DDX42: variants seen among roughly 807,000 people sequenced by gnomAD.
DDX42 encodes the protein DEAD-box helicase 42.
In DDX42, 22 loss-of-function variants were observed where a neutral mutation model predicts 101.5. The ratio of observed to expected loss-of-function variants is 0.22; its 90% confidence interval spans 0.15 to 0.31. The LOEUF (loss-of-function observed/expected upper bound fraction) is 0.31, where lower values mean the gene tolerates loss of function less well. Ranked by LOEUF, DDX42 falls within the 10% of genes least tolerant of loss-of-function variation. DDX42 has a pLI of 1.00. For missense variants in DDX42, 849 were observed against 1,199.9 expected (o/e 0.71, Z 4.32); for synonymous variants, 402 against 401.2 (o/e 1.00, Z -0.02).
chr17:63,814,654 T>C (rs2144589892), intron 15 of DDX42, among the ~76,000 whole-genome samples: 1 of 150,796 alleles, frequency 6.6e-6, no homozygotes, highest in East Asian at 1.9e-4. Flanking sequence ...GATAAAACTT[T>C]AACCTTCCCA....
At position 63,815,618 on chromosome 17, in the gene DDX42, T is replaced by TA; in HGVS notation, c.1958_1959insA (p.Gly654TrpfsTer16). The stretch of plus-strand genomic sequence containing the variant: ...GGAGGGAAAGGAAAAAAGCTGAACA[T>TA]TGGTGGAGGAGGCCTAGGCTACAGG... On this transcript the variant is annotated frameshift_variant, in exon 16 of 18. Coordinates refer to ENST00000389924, the MANE Select transcript of DDX42 (RefSeq NM_203499.3). LOFTEE classifies it high-confidence loss of function. 1 of 1,613,792 alleles carries TA rather than the reference T, an allele frequency of 6.2e-7. No homozygotes were observed.
chr17:63,808,042 A>G (rs1394872481), intron 9 of DDX42, 142 bp downstream of exon 9: 8 of 788,124 alleles, frequency 1.0e-5, no homozygotes, highest in Admixed American at 3.3e-5. Context: ...ACCATTTTTA[A>G]TGTACAGTTC....
chr17:63,780,283 C>T lies in DDX42; in HGVS notation c.-17+5907C>T, dbSNP rs939673474. Among the ~76,000 whole-genome samples, 3 of 141,232 alleles carry T rather than the reference C, an allele frequency of 2.1e-5. No homozygotes were observed. The Admixed American group carries it at 2.1e-4, about 10-fold the overall frequency. The allele number at this position is 141,232 out of a possible 152,430, so 92.7% of individuals were successfully genotyped here. A position where few individuals can be genotyped will look rare whatever the true frequency, so the allele number is the denominator to read the frequency against. On this transcript the variant is annotated intron_variant, in intron 1 of 17. Coordinates refer to ENST00000389924, the MANE Select transcript of DDX42 (RefSeq NM_203499.3). ...TGCACTCCAGCCTGGGCAACAAGAGCGAAACTGTCTCAAAAAAACAAAAAA... is the reference window on the plus strand; with the variant it reads ...TGCACTCCAGCCTGGGCAACAAGAGTGAAACTGTCTCAAAAAAACAAAAAA...
chr17:63,774,442 G>T (rs2144510040), intron 1 of DDX42, 66 bp downstream of exon 1: 1 of 212,420 alleles, frequency 4.7e-6, no homozygotes, highest in East Asian at 1.0e-4. Flanking sequence ...CAACTGCTGG[G>T]CCTAGCGAGG....
intron 3 of DDX42, among the ~76,000 whole-genome samples, chr17:63,794,993 C>T (rs545205646): frequency 1.2e-4 from 18 of 151,438 alleles, no homozygotes; most frequent in Non-Finnish European, 2.5e-4. Flanking sequence ...AAAATCCTTT[C>T]GGATTCCTTA....
At chr17:63,816,583 A>AT (rs1194883980) in intron 16 of DDX42, 7 of 240,332 alleles carry the variant, frequency 2.9e-5, no homozygotes, top group Non-Finnish European at 3.2e-5. Context: ...TTTTTACTTA[A>AT]TTAATTGGAA....
intron 14 of DDX42, among the ~76,000 whole-genome samples, chr17:63,812,525 A>G (rs570378985): frequency 1.3e-5 from 2 of 152,354 alleles, no homozygotes; most frequent in African/African-American, 4.8e-5. Flanking sequence ...TTGATCTACT[A>G]TACACAGCTT....
intron 14 of DDX42, among the ~76,000 whole-genome samples, chr17:63,812,567 T>C (rs2039924764): frequency 6.6e-6 from 1 of 152,196 alleles, no homozygotes; most frequent in African/African-American, 2.4e-5. Flanking sequence ...ATGAGAACAG[T>C]TTTTGGAATA....
intron 2 of DDX42, among the ~76,000 whole-genome samples, chr17:63,791,883 C>G (rs2039632378): frequency 6.6e-6 from 1 of 151,850 alleles, no homozygotes; most frequent in South Asian, 2.1e-4. Context: ...CCTGTCTCTA[C>G]TAAAAATACA....
chr17:63,817,123 CT>C (rs2144594304), intron 17 of DDX42, 157 bp downstream of exon 17: 1 of 601,080 alleles, frequency 1.7e-6, no homozygotes, highest in South Asian at 2.1e-5. Context: ...CTAACAGTAG[CT>C]TAGTTGGAAA....
chr17:63,782,158 A>G (rs964434889), intron 1 of DDX42, among the ~76,000 whole-genome samples: 1 of 150,228 alleles, frequency 6.7e-6, no homozygotes. Flanking sequence ...CGTGCTTGTA[A>G]TCCCAGCTAC....
In DDX42 at chr17:63,815,078, G is replaced by A. The variant is rs1215568418; in HGVS notation, c.1903-485G>A. ...CTGCGGGTAAATAAAATTTTCAGTT[G>A]TGTGGCTACCATCCTTTCTGGGAGT... On this transcript the variant is annotated intron_variant, in intron 15 of 17. Coordinates refer to ENST00000389924, the MANE Select transcript of DDX42 (RefSeq NM_203499.3). Among the ~76,000 whole-genome samples the A allele has an allele frequency of 4.6e-5, 7 of 152,312 alleles. No individual in the cohort carries two copies. In the South Asian group the frequency reaches 1.4e-3, roughly 32 times the overall value.
intron 14 of DDX42, among the ~76,000 whole-genome samples, 165 bp from the exon 15 acceptor site, chr17:63,813,063 A>G (rs1254174159): frequency 6.6e-6 from 1 of 152,098 alleles, no homozygotes; most frequent in East Asian, 1.9e-4. Flanking sequence ...GCCTAACATC[A>G]TAGAATCTGT....
rs756283882 is a variant in DDX42 at position 63,774,222 on chromosome 17, TGGC to T, written c.-162_-160del. ...CGTGAGGCGGTGGCGGTGGTGGCGG[TGGC>T]GGCGGCGGTGGTGGTGGTGGCGGCG... is the stretch of plus-strand genomic sequence containing the variant. On this transcript the variant is annotated 5_prime_UTR_variant, in exon 1 of 18. Transcript: ENST00000389924. 44,139 of 234,488 alleles carry T rather than the reference TGGC, an allele frequency of 0.19. 5,965 individuals are homozygous for T. The highest frequency in any genetic ancestry group is 0.37 in the African/African-American group (12,278 of 33,034). 14.5% of individuals were successfully genotyped at this position (234,488 alleles called of 1,614,324 possible).
chr17:63,773,954 AT>A, upstream of DDX42: 1 of 186,288 alleles, frequency 5.4e-6, no homozygotes, highest in Non-Finnish European at 1.1e-5. Context: ...TTCTCTTGGG[AT>A]TTTTGGCTAG....
In DDX42 at chr17:63,815,536, C is replaced by T. The variant is rs747211514; in HGVS notation, c.1903-27C>T. The stretch of plus-strand genomic sequence containing the variant: ...TTCTGTTCTTTTCTCCCTCCCTTGA[C>T]TTAACCTTGAATTTTGTTCAATGCA... On this transcript the variant is annotated intron_variant, in intron 15 of 17. Coordinates refer to ENST00000389924, the MANE Select transcript of DDX42 (RefSeq NM_203499.3). 1.9e-6 allele frequency: 3 copies of T among 1,554,538 alleles called. No individual in the cohort carries two copies. The Admixed American group carries it at 5.0e-5, about 26-fold the overall frequency.
At chr17:63,809,402 C>G (rs1039835343) in intron 10 of DDX42, among the ~76,000 whole-genome samples, 158 bp from the exon 11 acceptor site, 3 of 152,158 alleles carry the variant, frequency 2.0e-5, no homozygotes, top group African/African-American at 7.2e-5. Flanking sequence ...ATTTCTGTTC[C>G]TTTGAGCTAA....
chr17:63,810,508 T>C lies in DDX42; in HGVS notation c.1253-5T>C. The C allele has an allele frequency of 6.2e-7, 1 of 1,614,056 alleles. No individual in the cohort carries two copies. The highest frequency in any genetic ancestry group is 8.5e-7 in the Non-Finnish European group (1 of 1,179,942). ...ATAATAATTTTATTGTTCTGTTTCTTGCAGAGTACCAAGTTCGATCCATAG... is the reference window on the plus strand; with the variant it reads ...ATAATAATTTTATTGTTCTGTTTCTCGCAGAGTACCAAGTTCGATCCATAG... On this transcript the variant is annotated splice_region_variant and splice_polypyrimidine_tract_variant and intron_variant, in intron 11 of 17. Transcript: ENST00000389924.
chr17:63,788,595 A>G (rs1042103761), intron 2 of DDX42, among the ~76,000 whole-genome samples: 2 of 152,028 alleles, frequency 1.3e-5, no homozygotes, highest in African/African-American at 2.4e-5. Flanking sequence ...GGCGTGAGCC[A>G]CTGGGCCCGG....
Sources: gnomAD v4.1 joint callset for allele counts (sites outside exome capture counted in the v4.1 genomes callset) on GRCh38, gnomAD v4.1.1 for gene constraint, MANE v1.5 for transcripts, NCBI Gene and HGNC (gene_info 2026-07-23, HGNC 2026-07-21) for gene names.